The following MTUS2 variants were observed in gnomAD, a reference collection of about 807,000 sequenced individuals.
MTUS2 encodes microtubule associated scaffold protein 2, also known as microtubule-associated tumor suppressor candidate 2.
In MTUS2, 40 loss-of-function variants were observed where a neutral mutation model predicts 114.1. The observed-to-expected ratio is 0.35, with a 90% CI of 0.27 to 0.46. The LOEUF (loss-of-function observed/expected upper bound fraction) is 0.46, where lower values mean the gene tolerates loss of function less well. Ranked by LOEUF, MTUS2 falls within the 20% of genes least tolerant of loss-of-function variation. The probability of loss-of-function intolerance (pLI) is 1.00; values close to 1 mark genes in which losing one functional copy is unlikely to be tolerated. For synonymous variants in MTUS2, 688 were observed against 672.0 expected (o/e 1.02, Z -0.37); for missense variants, 1,679 against 1,705.4 (o/e 0.98, Z 0.27).
At chr13:29,373,872 GA>G (rs1871375132) in intron 8 of MTUS2, among the ~76,000 whole-genome samples, 1 of 152,178 alleles carries the variant, frequency 6.6e-6, no homozygotes, top group African/African-American at 2.4e-5. Flanking sequence ...GCTTATATGG[GA>G]AAAGCTAATC....
At chr13:28,984,538 G>A (rs1884493027) in intron 2 of MTUS2, among the ~76,000 whole-genome samples, 1 of 152,176 alleles carries the variant, frequency 6.6e-6, no homozygotes, top group Non-Finnish European at 1.5e-5. Flanking sequence ...CGCACTCTCT[G>A]TCATGGAGTG....
chr13:29,157,789 T>G (rs1439696013), intron 5 of MTUS2, among the ~76,000 whole-genome samples: 1 of 151,770 alleles, frequency 6.6e-6, no homozygotes, highest in Non-Finnish European at 1.5e-5. Context: ...TATATATATA[T>G]AGATAGATAG....
At chr13:28,823,040 A>G (rs959831562) in intron 1 of MTUS2, among the ~76,000 whole-genome samples, 3 of 152,162 alleles carry the variant, frequency 2.0e-5, no homozygotes, top group African/African-American at 7.2e-5. Flanking sequence ...GAAGAGTGGA[A>G]ACGGGTTGGG....
In MTUS2 at chr13:29,015,704, G is replaced by C. The variant is rs143560984; in HGVS notation, c.-242-8753G>C. Among the ~76,000 whole-genome samples the C allele has an allele frequency of 6.7e-3, 1,018 of 152,182 alleles. 10 individuals carry two copies. Among genetic ancestry groups the C allele is most frequent in the African/African-American group, 0.023 (975 of 41,538 alleles). On this transcript the variant is annotated intron_variant, in intron 2 of 15. Coordinates refer to ENST00000612955, the MANE Select transcript of MTUS2 (RefSeq NM_001033602.4). The stretch of plus-strand genomic sequence containing the variant: ...ACAACCTAAACTCTAACAATAAGGG[G>C]AACTGGTGAATAGATTATAGTGTAA...
chr13:29,174,728 T>C (rs1285177603), intron 5 of MTUS2, among the ~76,000 whole-genome samples: 1 of 152,216 alleles, frequency 6.6e-6, no homozygotes, highest in African/African-American at 2.4e-5. Context: ...ATTTCCCCTC[T>C]GCGTAGTATT....
intron 5 of MTUS2, among the ~76,000 whole-genome samples, chr13:29,276,326 G>A (rs1009482893): frequency 2.0e-5 from 3 of 152,156 alleles, no homozygotes; most frequent in African/African-American, 7.2e-5. Context: ...ATATAACCTT[G>A]CAATTTTTCA....
chr13:29,368,310 G>A (rs1219254453), intron 8 of MTUS2, among the ~76,000 whole-genome samples: 1 of 151,810 alleles, frequency 6.6e-6, no homozygotes, highest in African/African-American at 2.4e-5. Flanking sequence ...AGTACCCTGT[G>A]TCCCACCCAT....
At chr13:29,087,882 C>T (rs1204105467) in intron 4 of MTUS2, among the ~76,000 whole-genome samples, 2 of 151,966 alleles carry the variant, frequency 1.3e-5, no homozygotes, top group African/African-American at 4.8e-5. Flanking sequence ...CATGGTGAAA[C>T]CCTGTCTTTT....
chr13:28,908,555 G>A (rs1436003807), intron 2 of MTUS2, among the ~76,000 whole-genome samples: 1 of 151,388 alleles, frequency 6.6e-6, no homozygotes, highest in Non-Finnish European at 1.5e-5. Flanking sequence ...TGGACATTTG[G>A]GTTGGTTCCA....
At chr13:29,237,757 AG>A (rs1896586739) in intron 5 of MTUS2, among the ~76,000 whole-genome samples, 1 of 152,224 alleles carries the variant, frequency 6.6e-6, no homozygotes, top group African/African-American at 2.4e-5. Context: ...AAATGACCTG[AG>A]TAGACATTTG....
rs766531508 is a variant in MTUS2, at chr13:29,259,177, A to G, written c.2645-22527A>G. On this transcript the variant is annotated intron_variant, in intron 5 of 15. Transcript: ENST00000612955. ...CAGGGTGGGGGCGGAGAGTGGAGAG[A>G]AGGTAGAATGTGTGTGATAGTTCTG... Among the ~76,000 whole-genome samples the G allele has an allele frequency of 2.8e-4, 43 of 152,170 alleles. 1 individual carries two copies. The highest frequency in any genetic ancestry group is 8.8e-5 in the Non-Finnish European group (6 of 68,028).
At chr13:29,447,317 G>A (rs1369873069) in intron 9 of MTUS2, among the ~76,000 whole-genome samples, 1 of 151,198 alleles carries the variant, frequency 6.6e-6, no homozygotes, top group African/African-American at 2.5e-5. Flanking sequence ...TGCCACTACG[G>A]CTCAGTTTTA....
intron 7 of MTUS2, among the ~76,000 whole-genome samples, chr13:29,335,256 A>C (rs1047342676): frequency 6.6e-6 from 1 of 152,204 alleles, no homozygotes; most frequent in Non-Finnish European, 1.5e-5. Context: ...ATAAGGGATG[A>C]AATAAGCCCC....
rs141674260 is a variant in MTUS2 at position 28,855,420 on chromosome 13, C to A, written c.-243+15570C>A. ...TATTTATCCTGACGCTCTCCCTCCC[C>A]CTAGACTGCCCCACTACTGACAGGC... On this transcript the variant is annotated intron_variant, in intron 2 of 15. Transcript: ENST00000612955. Among the ~76,000 whole-genome samples the A allele has an allele frequency of 2.0e-5, 3 of 152,276 alleles. No individual in the cohort carries two copies. The East Asian group carries it at 5.8e-4, about 29-fold the overall frequency.
chr13:29,364,131 G>C (rs1472953789), intron 8 of MTUS2, among the ~76,000 whole-genome samples: 3 of 152,112 alleles, frequency 2.0e-5, no homozygotes, highest in Admixed American at 2.0e-4. Context: ...ACGCACAATT[G>C]CAAAACAGGT....
intron 12 of MTUS2, among the ~76,000 whole-genome samples, chr13:29,493,183 A>G (rs1439023581): frequency 1.3e-5 from 2 of 152,162 alleles, no homozygotes. Flanking sequence ...GACGAAAAGC[A>G]CCTTCTCTTC....
chr13:29,041,662 T>A (rs774056306), intron 4 of MTUS2, among the ~76,000 whole-genome samples: 1 of 152,014 alleles, frequency 6.6e-6, no homozygotes, highest in Non-Finnish European at 1.5e-5. Flanking sequence ...CTTTCCCCTC[T>A]TTGGTTAGGT....
chr13:29,479,968 G>C, intron 9 of MTUS2, 182 bp from the exon 10 acceptor site: 1 of 554,394 alleles, frequency 1.8e-6, no homozygotes, highest in South Asian at 2.9e-5. Context: ...AACATCCAGG[G>C]TCTGTTGTGA....
intron 5 of MTUS2, among the ~76,000 whole-genome samples, chr13:29,256,758 G>T (rs3011444): frequency 6.6e-6 from 1 of 152,348 alleles, no homozygotes; most frequent in East Asian, 1.9e-4. Context: ...ACACCAGCTT[G>T]CTCTGCTTTA....
Sources: allele counts gnomAD v4.1 joint callset (sites outside exome capture counted in the v4.1 genomes callset), GRCh38; gene constraint gnomAD v4.1.1; transcripts MANE v1.5; gene names NCBI Gene and HGNC (gene_info 2026-07-23, HGNC 2026-07-21).